The following RIOK3 variants were observed in gnomAD, a reference collection of about 807,000 sequenced individuals.
RIOK3 encodes the protein RIO kinase 3, also known as serine/threonine-protein kinase RIO3.
RIOK3 carries 40 observed loss-of-function variants against 63.5 expected under a neutral mutation model. That is an observed-to-expected ratio of 0.63 (90% confidence interval 0.49 to 0.82). The LOEUF (loss-of-function observed/expected upper bound fraction) is 0.82, where lower values mean the gene tolerates loss of function less well. Ranked by LOEUF, RIOK3 falls within the 40% of genes least tolerant of loss-of-function variation. The pLI, the probability that RIOK3 is intolerant of heterozygous loss-of-function variation, is 0.00. For synonymous variants in RIOK3, 193 were observed against 205.0 expected (o/e 0.94, Z 0.50); for missense variants, 557 against 637.0 (o/e 0.87, Z 1.35).
At chr18:23,480,397 A>G (rs1171056013) in intron 12 of RIOK3, among the ~76,000 whole-genome samples, 1 of 152,172 alleles carries the variant, frequency 6.6e-6, no homozygotes, top group Admixed American at 6.5e-5. Context: ...TGAATGGTAG[A>G]GTTTTCTTTT....
rs1377744842 is a variant in RIOK3 at position 23,466,316 on chromosome 18, A to G, written c.687+40A>G. ...ATTTTTTTTTTTCTTTTTTACTAGA[A>G]AGATTCATATTAGAAAACTTTGGGT... On this transcript the variant is annotated intron_variant, in intron 6 of 12. Transcript: ENST00000339486. 2.1e-6 allele frequency: 3 copies of G among 1,457,212 alleles called. No individual in the cohort carries two copies. The South Asian group carries it at 4.1e-5, about 20-fold the overall frequency. The allele number at this position is 1,457,212 out of a possible 1,614,324, so 90.3% of individuals were successfully genotyped here. A position where few individuals can be genotyped will look rare whatever the true frequency, so the allele number is the denominator to read the frequency against.
intron 1 of RIOK3, among the ~76,000 whole-genome samples, chr18:23,454,814 G>A (rs565040718): frequency 2.6e-5 from 4 of 152,316 alleles, no homozygotes; most frequent in Admixed American, 1.3e-4. Context: ...TCTATTGGGA[G>A]GACAGTGTTT....
chr18:23,479,095 G>A (rs1191986964), intron 11 of RIOK3: 24 of 417,744 alleles, frequency 5.7e-5, no homozygotes, highest in Non-Finnish European at 1.8e-5. Flanking sequence ...GATAACAGGA[G>A]TGAGCCGCCA....
At chr18:23,477,375 A>G in intron 11 of RIOK3, 107 bp downstream of exon 11, 2 of 857,820 alleles carry the variant, frequency 2.3e-6, no homozygotes, top group Admixed American at 3.7e-5. Flanking sequence ...AATTGAAGGA[A>G]GGGATACGGG....
At chr18:23,480,448 T>C (rs1314131080) in intron 12 of RIOK3, among the ~76,000 whole-genome samples, 4 of 152,138 alleles carry the variant, frequency 2.6e-5, no homozygotes, top group South Asian at 4.1e-4. Flanking sequence ...TTTCAAAACA[T>C]AGATGATTCC....
chr18:23,454,352 G>A (rs554891309), intron 1 of RIOK3, among the ~76,000 whole-genome samples: 1 of 152,186 alleles, frequency 6.6e-6, no homozygotes, highest in South Asian at 2.1e-4. Context: ...TTCAGGCTAG[G>A]CCTTAACAGG....
intron 1 of RIOK3, among the ~76,000 whole-genome samples, chr18:23,460,916 CTCT>C (rs1167053180): frequency 1.3e-5 from 2 of 152,204 alleles, no homozygotes; most frequent in East Asian, 1.9e-4. Flanking sequence ...TTCAGGAAGC[CTCT>C]TCTTCTCTCC....
Position 23,477,216 on chromosome 18 carries a change from C to A in RIOK3, c.1292C>A (p.Thr431Asn). Residue 431 changes from threonine to asparagine, a missense_variant, in exon 11 of 13, where the codon ACC becomes AAC. Thr to Asn is a moderately conservative substitution (Grantham distance 65). This residue lies in a region of RIOK3 where 309 missense variants were observed against 338.7 expected (regional missense o/e 0.91). Transcript: ENST00000339486. Reference protein sequence around the residue: ...LIDVSQSVEPTHPHGLEFLFR... With the variant: ...LIDVSQSVEPNHPHGLEFLFR... ...GATGTCAGTCAGTCAGTAGAACCTA[C>A]CCACCCTCACGGCCTGGAGTTCTTG... 6.2e-7 allele frequency: 1 copy of A among 1,614,104 alleles called. No individual in the cohort carries two copies. The highest frequency in any genetic ancestry group is 1.1e-5 in the South Asian group (1 of 91,084).
rs1284325786 is a variant in RIOK3 at position 23,481,878 on chromosome 18, G to T, written c.*599G>T. The T allele has an allele frequency of 6.6e-6, 1 of 152,154 alleles. No homozygotes were observed. The highest frequency in any genetic ancestry group is 1.5e-5 in the Non-Finnish European group (1 of 68,036). The allele number at this position is 152,154 out of a possible 1,614,324, so 9.4% of individuals were successfully genotyped here. On this transcript the variant is annotated 3_prime_UTR_variant, in exon 13 of 13. Transcript: ENST00000339486. Reference sequence around the variant, plus strand: ...TGTTGATATATCATGAAAATGAACAGAATTCTTTTTCCATACTTATATCTA... The same window carrying T: ...TGTTGATATATCATGAAAATGAACATAATTCTTTTTCCATACTTATATCTA...
chr18:23,480,500 A>G (rs138507161), intron 12 of RIOK3, among the ~76,000 whole-genome samples: 29 of 151,938 alleles, frequency 1.9e-4, no homozygotes, highest in African/African-American at 7.0e-4. Context: ...GACCCTTGCA[A>G]TCAAGTTAAA....
At chr18:23,474,855 C>A in intron 8 of RIOK3, 93 bp from the exon 9 acceptor site, 1 of 920,392 alleles carries the variant, frequency 1.1e-6, no homozygotes, top group Admixed American at 2.3e-5. Flanking sequence ...ATAGTGCCAG[C>A]TCATTGCAGG....
intron 12 of RIOK3, among the ~76,000 whole-genome samples, chr18:23,480,556 C>CACACAG (rs2057525077): frequency 6.4e-4 from 1 of 1,564 alleles, no homozygotes; most frequent in Non-Finnish European, 2.8e-3. Flanking sequence ...TGGATGCACG[C>CACACAG]ACACACACAC....
chr18:23,453,649 G>A (rs1478275308), intron 1 of RIOK3, 147 bp downstream of exon 1: 2 of 713,748 alleles, frequency 2.8e-6, no homozygotes, highest in Non-Finnish European at 2.5e-6. Flanking sequence ...GGCCGCGGGG[G>A]TGCCGGGATG....
intron 1 of RIOK3, among the ~76,000 whole-genome samples, chr18:23,461,290 C>T (rs1282128415): frequency 2.6e-5 from 4 of 152,168 alleles, no homozygotes; most frequent in East Asian, 1.9e-4. Context: ...AAATTAGACA[C>T]TCAGTAGTAG....
chr18:23,468,267 C>T (rs1421993811), intron 7 of RIOK3, among the ~76,000 whole-genome samples: 1 of 145,576 alleles, frequency 6.9e-6, no homozygotes, highest in African/African-American at 2.5e-5. Flanking sequence ...ATCCTTTGTC[C>T]ATTTTCTGTT....
chr18:23,473,289 A>G, intron 7 of RIOK3, 140 bp from the exon 8 acceptor site: 1 of 543,044 alleles, frequency 1.8e-6, no homozygotes, highest in Non-Finnish European at 3.3e-6. Context: ...ATTAAGATCC[A>G]AAACCTAAAG....
intron 7 of RIOK3, among the ~76,000 whole-genome samples, chr18:23,469,095 G>T (rs576317719): frequency 6.6e-6 from 1 of 152,288 alleles, no homozygotes; most frequent in East Asian, 1.9e-4. Flanking sequence ...CACTTTCAAA[G>T]CCAGCAGGAG....
chr18:23,479,701 T>C (rs2057518622), intron 12 of RIOK3, among the ~76,000 whole-genome samples: 1 of 151,938 alleles, frequency 6.6e-6, no homozygotes, highest in South Asian at 2.1e-4. Context: ...CTCAGCCTCC[T>C]GAGTAGCTGG....
rs1313711849 is a variant in RIOK3 at position 23,481,775 on chromosome 18, G to A, written c.*496G>A. On this transcript the variant is annotated 3_prime_UTR_variant, in exon 13 of 13. Transcript: ENST00000339486. ...TGGCCGTGATTCTAAAGGAAAATGT[G>A]TGCTCTTTAGTGGGTAGAACAAATG... 6.6e-6 allele frequency: 1 copy of A among 152,284 alleles called. No individual in the cohort carries two copies. The highest frequency in any genetic ancestry group is 1.5e-5 in the Non-Finnish European group (1 of 68,120). The allele number at this position is 152,284 out of a possible 1,614,324, so 9.4% of individuals were successfully genotyped here. A position where few individuals can be genotyped will look rare whatever the true frequency, so the allele number is the denominator to read the frequency against.
Sources: allele counts gnomAD v4.1 joint callset (sites outside exome capture counted in the v4.1 genomes callset), GRCh38; gene constraint gnomAD v4.1.1; regional missense constraint gnomAD v4.1.1; transcripts MANE v1.5; gene names NCBI Gene and HGNC (gene_info 2026-07-23, HGNC 2026-07-21).